MSI2: variants seen among roughly 807,000 people sequenced by gnomAD.
MSI2 encodes the protein RNA-binding protein Musashi homolog 2.
A neutral mutation model predicts 45.6 loss-of-function variants in MSI2; 17 were observed. The ratio of observed to expected loss-of-function variants is 0.37; its 90% confidence interval spans 0.26 to 0.56. The LOEUF (loss-of-function observed/expected upper bound fraction) is 0.56. Among genes scored for constraint, MSI2 ranks in the 20% least tolerant of loss-of-function variants. MSI2 has a pLI of 0.77. For missense variants in MSI2, 293 were observed against 444.2 expected, an observed-to-expected ratio of 0.66 and a Z score of 3.06; for synonymous variants, 156 against 158.2, an observed-to-expected ratio of 0.99 and a Z score of 0.11.
At chr17:57,327,409 A>G (rs191503477) in intron 5 of MSI2, among the ~76,000 whole-genome samples, 44 of 152,352 alleles carry the variant, frequency 2.9e-4, no homozygotes, top group African/African-American at 9.4e-4. Flanking sequence ...TGCTTCAGCA[A>G]GGTACCTGGA....
At chr17:57,478,056 C>T (rs932137279) in intron 6 of MSI2, among the ~76,000 whole-genome samples, 3 of 152,200 alleles carry the variant, frequency 2.0e-5, no homozygotes, top group East Asian at 1.9e-4. Flanking sequence ...CGGCCTGCTC[C>T]TGAGAAGACT....
intron 6 of MSI2, among the ~76,000 whole-genome samples, chr17:57,416,790 A>G (rs1189582242): frequency 1.3e-5 from 2 of 152,190 alleles, no homozygotes; most frequent in Non-Finnish European, 2.9e-5. Context: ...CAGGAGCTCT[A>G]AGAATGCTGG....
At chr17:57,460,570 G>A (rs1231398786) in intron 6 of MSI2, among the ~76,000 whole-genome samples, 3 of 152,158 alleles carry the variant, frequency 2.0e-5, no homozygotes, top group Non-Finnish European at 4.4e-5. Flanking sequence ...AGCTGGATGG[G>A]TTCACCTGGG....
At chr17:57,431,203 C>G (rs555592137) in intron 6 of MSI2, among the ~76,000 whole-genome samples, 5 of 152,282 alleles carry the variant, frequency 3.3e-5, no homozygotes, top group South Asian at 4.1e-4. Context: ...GGTGGGAGCC[C>G]AGGCAGGCTG....
At chr17:57,517,484 G>C (rs2086493651) in intron 6 of MSI2, among the ~76,000 whole-genome samples, 1 of 152,198 alleles carries the variant, frequency 6.6e-6, no homozygotes, top group South Asian at 2.1e-4. Context: ...TTGTCCGAGA[G>C]GGCGGGGCAG....
In MSI2 at chr17:57,398,129, T is replaced by C. The variant is rs1333839190; in HGVS notation, c.313-3250T>C. ...CAACGGTGGAGGGTGTATGAAGAGA[T>C]ATTTTCATTTCACCAGTTATTGGGG... On this transcript the variant is annotated intron_variant, in intron 5 of 13. Coordinates refer to ENST00000284073, the MANE Select transcript of MSI2 (RefSeq NM_138962.4). Among the ~76,000 whole-genome samples, 44 of 152,204 alleles carry C rather than the reference T, an allele frequency of 2.9e-4. 1 individual carries two copies. The highest frequency in any genetic ancestry group is 2.9e-3 in the Admixed American group (44 of 15,276).
chr17:57,575,838 G>T (rs1239377004), intron 7 of MSI2, among the ~76,000 whole-genome samples: 4 of 151,876 alleles, frequency 2.6e-5, no homozygotes, highest in Non-Finnish European at 5.9e-5. Flanking sequence ...CCAGCTACTC[G>T]GGAGGCTGAG....
intron 6 of MSI2, among the ~76,000 whole-genome samples, chr17:57,527,613 A>C (rs901679137): frequency 2.6e-5 from 4 of 152,186 alleles, no homozygotes; most frequent in Admixed American, 6.5e-5. Context: ...ATGCCAGGCC[A>C]TTTTCCTCCC....
intron 5 of MSI2, among the ~76,000 whole-genome samples, chr17:57,346,355 G>GC (rs1294875427): frequency 6.8e-6 from 1 of 146,732 alleles, no homozygotes; most frequent in Non-Finnish European, 1.5e-5. Context: ...TTTTGGGGGG[G>GC]GGGGTCTGAT....
At chr17:57,327,528 C>T (rs1913899085) in intron 5 of MSI2, among the ~76,000 whole-genome samples, 1 of 152,216 alleles carries the variant, frequency 6.6e-6, no homozygotes, top group South Asian at 2.1e-4. Context: ...GTCAGACAAA[C>T]TTTTAGAACA....
chr17:57,577,135 C>A (rs764763219), intron 7 of MSI2, among the ~76,000 whole-genome samples: 4 of 152,172 alleles, frequency 2.6e-5, no homozygotes, highest in Non-Finnish European at 5.9e-5. Flanking sequence ...TACGTTAGAT[C>A]TTGAAGGACT....
At position 57,529,844 on chromosome 17, in the gene MSI2, A is replaced by G. The variant is rs1414164543; in HGVS notation, c.454+120A>G. 1 of 758,356 alleles carries G rather than the reference A, an allele frequency of 1.3e-6. No homozygotes were observed. Among genetic ancestry groups the G allele is most frequent in the Non-Finnish European group, 2.1e-6 (1 of 466,590 alleles). 47.0% of individuals were successfully genotyped at this position (758,356 alleles called of 1,614,324 possible). On this transcript the variant is annotated intron_variant, in intron 7 of 13. Transcript: ENST00000284073. The surrounding 1 kb of genome is among the most constrained non-coding windows in gnomAD (Gnocchi z 5.3). ...GTCCAGAGTCAAGCAGGTAGAGGTGACCATCCATTGAAGATCTTTATTCAC... is the reference window on the plus strand; with the variant it reads ...GTCCAGAGTCAAGCAGGTAGAGGTGGCCATCCATTGAAGATCTTTATTCAC...
Position 57,258,353 on chromosome 17 carries a change from C to T in MSI2, c.269C>T (p.Thr90Met), listed in dbSNP as rs761489611. The change falls in exon 4 of 14, where the codon ACG (threonine) becomes ATG (methionine). Residue 90 changes from threonine to methionine, a missense_variant and splice_region_variant. Coordinates refer to ENST00000284073, the MANE Select transcript of MSI2 (RefSeq NM_138962.4). ...CCCCACCATGAGTTAGATTCCAAGACGGTAGGTTGCTTTTTGTTGTTGTTG... is the reference window on the plus strand; with the variant it reads ...CCCCACCATGAGTTAGATTCCAAGATGGTAGGTTGCTTTTTGTTGTTGTTG... The part of the protein sequence containing the change: ...GQPHHELDSK[T>M]IDPKVAFPRR... 4 of 1,613,416 alleles carry T rather than the reference C, an allele frequency of 2.5e-6. No homozygotes were observed. The highest frequency in any genetic ancestry group is 1.7e-4 in the Middle Eastern group (1 of 6,060).
chr17:57,285,957 A>C (rs1399529514), intron 5 of MSI2: 2 of 1,534,790 alleles, frequency 1.3e-6, no homozygotes, highest in Non-Finnish European at 1.7e-6. Flanking sequence ...TTTATTCAAC[A>C]TGGATGGAGT....
intron 6 of MSI2, among the ~76,000 whole-genome samples, chr17:57,436,080 G>A (rs2084685319): frequency 6.6e-6 from 1 of 152,192 alleles, no homozygotes; most frequent in South Asian, 2.1e-4. Flanking sequence ...GAGTGATGAA[G>A]CAATTAAAAG....
chr17:57,623,640 C>T (rs1003784391), intron 9 of MSI2, among the ~76,000 whole-genome samples: 2 of 152,156 alleles, frequency 1.3e-5, no homozygotes, highest in Non-Finnish European at 2.9e-5. Context: ...ATCAGGCGTC[C>T]AGAGTATTGG....
At chr17:57,410,008 C>CAAATAAAAAA (rs2084163119) in intron 6 of MSI2, among the ~76,000 whole-genome samples, 1 of 61,662 alleles carries the variant, frequency 1.6e-5, no homozygotes, top group Non-Finnish European at 3.0e-5. Flanking sequence ...ACTCTGTCTC[C>CAAATAAAAAA]AAAAAAAAAA....
At chr17:57,316,796 G>A (rs372201940) in intron 5 of MSI2, among the ~76,000 whole-genome samples, 1 of 152,112 alleles carries the variant, frequency 6.6e-6, no homozygotes, top group East Asian at 1.9e-4. Flanking sequence ...CTTGAGGTCC[G>A]GTTTTGTGGA....
chr17:57,530,568 C>T (rs1598372007), intron 7 of MSI2, among the ~76,000 whole-genome samples: 1 of 152,286 alleles, frequency 6.6e-6, no homozygotes, highest in East Asian at 1.9e-4. Context: ...TTCCTATTAA[C>T]AGGGTGTTAA....
Sources: allele counts gnomAD v4.1 joint callset (sites outside exome capture counted in the v4.1 genomes callset), GRCh38; gene constraint gnomAD v4.1.1; non-coding constraint Gnocchi (gnomAD v3.1); transcripts MANE v1.5; gene names NCBI Gene and HGNC (gene_info 2026-07-23, HGNC 2026-07-21).